Variants in LOC128462377 observed in about 807,000 individuals in gnomAD.
the LOC128462377 span, among the ~76,000 whole-genome samples, chr16:89,379,148 C>T: frequency 9.2e-5 from 14 of 152,350 alleles, no homozygotes; most frequent in Middle Eastern, 3.4e-3. Context: ...TGGGGCCGGC[C>T]CCCATGCCTG....
the LOC128462377 span, among the ~76,000 whole-genome samples, chr16:89,329,289 T>A: frequency 0.044 from 6,702 of 152,234 alleles, 521 homozygotes; most frequent in African/African-American, 0.15. Context: ...GCGGTCACCC[T>A]GTCTTCCAAT....
At chr16:89,365,700 C>T in the LOC128462377 span, among the ~76,000 whole-genome samples, 4 of 152,134 alleles carry the variant, frequency 2.6e-5, no homozygotes, top group Non-Finnish European at 5.9e-5. Context: ...GTGGTCTCTC[C>T]GCAGAAACCC....
At chr16:89,359,886 C>T in the LOC128462377 span, among the ~76,000 whole-genome samples, 1 of 151,992 alleles carries the variant, frequency 6.6e-6, no homozygotes, top group African/African-American at 2.4e-5. Flanking sequence ...ATCAGCATCA[C>T]ATAGTTTATA....
chr16:89,352,531 C>T, the LOC128462377 span, among the ~76,000 whole-genome samples: 7 of 152,280 alleles, frequency 4.6e-5, no homozygotes, highest in South Asian at 8.3e-4. Context: ...ACACAGTGAG[C>T]GAGCCCTGCC....
chr16:89,379,810 C>G, the LOC128462377 span, among the ~76,000 whole-genome samples: 1 of 152,200 alleles, frequency 6.6e-6, no homozygotes, highest in Non-Finnish European at 1.5e-5. Context: ...TTTTAACATT[C>G]TGTTCAGCAA....
At chr16:89,374,629 C>G in the LOC128462377 span, among the ~76,000 whole-genome samples, 1 of 152,196 alleles carries the variant, frequency 6.6e-6, no homozygotes, top group Non-Finnish European at 1.5e-5. Flanking sequence ...AACAGCTGCT[C>G]GGGCCATCTC....
At chr16:89,350,998 T>C in the LOC128462377 span, among the ~76,000 whole-genome samples, 1 of 152,184 alleles carries the variant, frequency 6.6e-6, no homozygotes, top group Non-Finnish European at 1.5e-5. Context: ...GTACGCACAC[T>C]CTGTGATGCT....
the LOC128462377 span, among the ~76,000 whole-genome samples, chr16:89,410,526 G>A: frequency 6.6e-6 from 1 of 152,094 alleles, no homozygotes; most frequent in Non-Finnish European, 1.5e-5. Context: ...GGAAACACCT[G>A]CCCCCGGGCT....
chr16:89,410,210 A>G, the LOC128462377 span, among the ~76,000 whole-genome samples: 1 of 152,206 alleles, frequency 6.6e-6, no homozygotes, highest in Admixed American at 6.5e-5. Flanking sequence ...GGCACCTCAC[A>G]GATGCCAACC....
chr16:89,383,898 C>G, the LOC128462377 span, among the ~76,000 whole-genome samples: 1 of 152,214 alleles, frequency 6.6e-6, no homozygotes, highest in Non-Finnish European at 1.5e-5. Context: ...CACAAACACC[C>G]GCTAGGGCCT....
At chr16:89,378,392 C>T in the LOC128462377 span, among the ~76,000 whole-genome samples, 3 of 152,140 alleles carry the variant, frequency 2.0e-5, no homozygotes, top group African/African-American at 4.8e-5. Flanking sequence ...ATTTCATCAA[C>T]GTGTATGTCA....
chr16:89,347,904 G>A, the LOC128462377 span, among the ~76,000 whole-genome samples: 2 of 151,746 alleles, frequency 1.3e-5, no homozygotes, highest in African/African-American at 4.8e-5. Flanking sequence ...TTCTTACTTT[G>A]CAGAGCACTT....
At chr16:89,339,533 A>ACG in the LOC128462377 span, among the ~76,000 whole-genome samples, 8 of 152,238 alleles carry the variant, frequency 5.3e-5, no homozygotes, top group African/African-American at 1.7e-4. Context: ...ACCATTTCGG[A>ACG]AATTTAGACG....
chr16:89,325,467 TCTCA>T, the LOC128462377 span, among the ~76,000 whole-genome samples: 485 of 140,536 alleles, frequency 3.5e-3, no homozygotes, highest in African/African-American at 0.012. Flanking sequence ...TCTCTCTCTC[TCTCA>T]CACACACACA....
the LOC128462377 span, among the ~76,000 whole-genome samples, chr16:89,383,445 GTA>G: frequency 6.6e-6 from 1 of 152,204 alleles, no homozygotes; most frequent in African/African-American, 2.4e-5. Flanking sequence ...GAAAGGCGCT[GTA>G]TCTACCCTCC....
At chr16:89,366,025 A>C in the LOC128462377 span, among the ~76,000 whole-genome samples, 1 of 151,484 alleles carries the variant, frequency 6.6e-6, no homozygotes, top group Non-Finnish European at 1.5e-5. Context: ...TCCATGTTCC[A>C]CAAAAGACAT....
At chr16:89,393,295 T>A in the LOC128462377 span, among the ~76,000 whole-genome samples, 1 of 151,704 alleles carries the variant, frequency 6.6e-6, no homozygotes, top group Admixed American at 6.6e-5. Context: ...TTCCTCTTTT[T>A]TTTACTTTTT....
the LOC128462377 span, among the ~76,000 whole-genome samples, chr16:89,365,656 T>C: frequency 0.042 from 6,339 of 152,300 alleles, 329 homozygotes; most frequent in African/African-American, 0.12. Context: ...GGGGGCCTTT[T>C]ACCGCAATTC....
the LOC128462377 span, among the ~76,000 whole-genome samples, chr16:89,327,007 G>A: frequency 6.6e-6 from 1 of 151,394 alleles, no homozygotes; most frequent in Non-Finnish European, 1.5e-5. Context: ...AATGCAGAGG[G>A]GGAATGCAGA....
Sources: allele counts gnomAD v4.1 joint callset (sites outside exome capture counted in the v4.1 genomes callset), GRCh38; gene constraint gnomAD v4.1.1; transcripts MANE v1.5.